Variants in AFF2 observed in about 807,000 individuals in gnomAD.
The protein encoded by AFF2 is ALF transcription elongation factor 2.
In AFF2, 14 loss-of-function variants were observed where a neutral mutation model predicts 76.9. The ratio of observed to expected loss-of-function variants is 0.18; its 90% CI spans 0.12 to 0.28. AFF2 has a LOEUF of 0.28. AFF2 is among the 10% of genes least tolerant of loss of function. AFF2 has a pLI of 1.00. For missense variants in AFF2, 868 were observed against 1,001.1 expected (o/e 0.87, Z 1.79); for synonymous variants, 398 against 366.7 (o/e 1.09, Z -0.98).
At chrX:148,933,830 T>C (rs1332585127) in intron 9 of AFF2, among the ~76,000 whole-genome samples, 1 of 112,092 alleles carries the variant, frequency 8.9e-6, no homozygotes, top group Non-Finnish European at 1.9e-5. Context: ...GTTAGCTGCT[T>C]GTTATCTATT....
At chrX:148,629,053 A>G (rs1183359352) in intron 1 of AFF2, among the ~76,000 whole-genome samples, 1 of 111,658 alleles carries the variant, frequency 9.0e-6, no homozygotes, top group Non-Finnish European at 1.9e-5. Context: ...GAAACCTCAT[A>G]AAGAATATTA....
chrX:148,753,587 C>T (rs1375789077), intron 3 of AFF2, among the ~76,000 whole-genome samples: 8 of 111,982 alleles, frequency 7.1e-5, no homozygotes, highest in African/African-American at 2.3e-4. Flanking sequence ...CTGATAACTT[C>T]GGTTTGTAAA....
chrX:148,662,488 T>C lies in AFF2; in HGVS notation c.761T>C (p.Val254Ala). 8.2e-7 allele frequency: 1 copy of C among 1,212,171 alleles called. No homozygotes were observed. Among genetic ancestry groups the C allele is most frequent in the Non-Finnish European group, 1.1e-6 (1 of 895,615 alleles). The change falls in exon 3 of 21, where the codon GTG becomes GCG. Residue 254 changes from valine to alanine, a missense_variant. Around this residue, in one of 6 missense-constraint regions of AFF2, gnomAD observed 196 missense variants for 194.8 expected, o/e 1.01. Coordinates refer to ENST00000370460, the MANE Select transcript of AFF2 (RefSeq NM_002025.4). ...GTGCAAGCGCCTGGGTCTCCCCTAGTGGCTTCCTCTTTATTAGCTCCTAGC... is the reference window on the plus strand; with the variant it reads ...GTGCAAGCGCCTGGGTCTCCCCTAGCGGCTTCCTCTTTATTAGCTCCTAGC... ...FAVQAPGSPL[V>A]ASSLLAPSSG...
chrX:148,985,297 T>TTTTTTTTTTC, intron 19 of AFF2, among the ~76,000 whole-genome samples: 1 of 60,642 alleles, frequency 1.6e-5, no homozygotes, highest in Non-Finnish European at 3.1e-5. Flanking sequence ...TTTTTTTTTT[T>TTTTTTTTTTC]TTTTTTTTTT....
chrX:148,921,696 G>T (rs781959324), intron 9 of AFF2, among the ~76,000 whole-genome samples: 12 of 112,534 alleles, frequency 1.1e-4, no homozygotes, highest in African/African-American at 3.9e-4. Context: ...AACATTGAGA[G>T]ATATTGAAAC....
chrX:148,767,748 A>T (rs1420010927), intron 3 of AFF2, among the ~76,000 whole-genome samples: 1 of 112,322 alleles, frequency 8.9e-6, no homozygotes, highest in Admixed American at 9.4e-5. Flanking sequence ...AGACAGCTTT[A>T]TTTTCACAAC....
chrX:148,638,519 G>T (rs1348671103), intron 1 of AFF2, among the ~76,000 whole-genome samples: 1 of 111,654 alleles, frequency 9.0e-6, no homozygotes, highest in Non-Finnish European at 1.9e-5. Flanking sequence ...TTCAAGATGA[G>T]ATTTGAGTGG....
chrX:148,673,658 G>A (rs1238983430), intron 3 of AFF2, among the ~76,000 whole-genome samples: 4 of 111,996 alleles, frequency 3.6e-5, no homozygotes, highest in African/African-American at 6.5e-5. Context: ...ATTCAACCCT[G>A]TATAAGAGAG....
chrX:148,814,593 T>A (rs1485720545), intron 4 of AFF2, among the ~76,000 whole-genome samples: 3 of 111,751 alleles, frequency 2.7e-5, no homozygotes, highest in African/African-American at 9.7e-5. Flanking sequence ...ATAAACTGTA[T>A]CTTCTTACAG....
intron 9 of AFF2, among the ~76,000 whole-genome samples, chrX:148,906,791 G>A (rs797034819): frequency 6.3e-5 from 7 of 111,642 alleles, no homozygotes; most frequent in Non-Finnish European, 1.3e-4. Context: ...GCTGAATGCC[G>A]CCATTGCAGA....
At chrX:148,898,595 G>A (rs976940568) in intron 8 of AFF2, among the ~76,000 whole-genome samples, 21 of 111,667 alleles carry the variant, frequency 1.9e-4, no homozygotes, top group Admixed American at 1.0e-3. Context: ...CCTCCTCTTC[G>A]GAGTGTAAAC....
At chrX:148,599,423 G>A (rs1557247762) in intron 1 of AFF2, among the ~76,000 whole-genome samples, 1 of 111,157 alleles carries the variant, frequency 9.0e-6, no homozygotes, top group African/African-American at 3.3e-5. Flanking sequence ...CAAGCCATAT[G>A]GCTTGATCAG....
intron 3 of AFF2, among the ~76,000 whole-genome samples, chrX:148,800,664 C>T (rs1557270843): frequency 9.0e-6 from 1 of 111,106 alleles, no homozygotes; most frequent in African/African-American, 3.3e-5. Flanking sequence ...CCATAATATA[C>T]CTGTGGCAAT....
intron 3 of AFF2, among the ~76,000 whole-genome samples, chrX:148,790,291 AG>A (rs1557269840): frequency 8.9e-6 from 1 of 111,798 alleles, no homozygotes; most frequent in Non-Finnish European, 1.9e-5. Flanking sequence ...GATTCCTCAA[AG>A]ATCTAGAACA....
At chrX:148,672,818 G>A (rs781839300) in intron 3 of AFF2, among the ~76,000 whole-genome samples, 6 of 111,576 alleles carry the variant, frequency 5.4e-5, no homozygotes, top group African/African-American at 9.8e-5. Flanking sequence ...TGTGTCTTTA[G>A]TGGGATGACT....
chrX:148,875,937 G>C, intron 7 of AFF2, among the ~76,000 whole-genome samples: 1 of 111,518 alleles, frequency 9.0e-6, no homozygotes, highest in East Asian at 2.8e-4. Context: ...GAATTTTCAA[G>C]ATTTGAAAAA....
chrX:148,825,212 GC>G (rs1398517018), intron 4 of AFF2, among the ~76,000 whole-genome samples: 2 of 111,896 alleles, frequency 1.8e-5, no homozygotes, highest in Admixed American at 9.5e-5. Flanking sequence ...GTATGGTGGT[GC>G]CCAAAGCCTA....
At position 148,993,040 on chromosome X, in the gene AFF2, G is replaced by A. The variant is rs1569558105; in HGVS notation, c.*1708G>A. 8.9e-6 allele frequency: 1 copy of A among 112,768 alleles called. No homozygotes were observed. Among genetic ancestry groups the A allele is most frequent in the Non-Finnish European group, 1.9e-5 (1 of 53,326 alleles). The allele number at this position is 112,768 out of a possible 1,213,427, so 9.3% of individuals were successfully genotyped here. ...CAGGTGATGACTCTGCACTCTCATT[G>A]TCAAGGTTAGATATATCCCCAGTTG... On this transcript the variant is annotated 3_prime_UTR_variant, in exon 21 of 21. Transcript: ENST00000370460.
At chrX:148,791,592 T>C (rs1431155335) in intron 3 of AFF2, among the ~76,000 whole-genome samples, 1 of 112,560 alleles carries the variant, frequency 8.9e-6, no homozygotes, top group African/African-American at 3.2e-5. Flanking sequence ...TACTTGTCTT[T>C]ATTCAACAGC....
Sources: gnomAD v4.1 joint callset for allele counts (sites outside exome capture counted in the v4.1 genomes callset) on GRCh38, gnomAD v4.1.1 for gene constraint, gnomAD v4.1.1 regional missense constraint, MANE v1.5 for transcripts, NCBI Gene and HGNC (gene_info 2026-07-23, HGNC 2026-07-21) for gene names.